TENM2: variants seen among roughly 807,000 people sequenced by gnomAD.
TENM2 encodes teneurin-2.
A neutral mutation model predicts 245.2 loss-of-function variants in TENM2; 52 were observed. That is an observed-to-expected ratio of 0.21 (90% CI 0.17 to 0.27). The LOEUF is 0.27. Among genes scored for constraint, TENM2 ranks in the 10% least tolerant of loss-of-function variants. TENM2 has a pLI of 1.00. For synonymous variants in TENM2, 1,363 were observed against 1,438.9 expected (o/e 0.95, Z 1.19); for missense variants, 3,046 against 3,666.8 (o/e 0.83, Z 4.37).
chr5:167,772,446 A>G (rs972921769), intron 2 of TENM2, among the ~76,000 whole-genome samples: 1 of 152,128 alleles, frequency 6.6e-6, no homozygotes, highest in African/African-American at 2.4e-5. Context: ...TTTTTTAGGC[A>G]GCATGGCTCT....
At chr5:167,074,748 G>T in the TENM2 span, among the ~76,000 whole-genome samples, 1 of 152,150 alleles carries the variant, frequency 6.6e-6, no homozygotes, top group South Asian at 2.1e-4. Context: ...GGCCTGAACA[G>T]GGAGAATCTT....
At chr5:167,371,334 GTT>G (rs768614312) in intron 1 of TENM2, among the ~76,000 whole-genome samples, 13 of 128,966 alleles carry the variant, frequency 1.0e-4, no homozygotes, top group Admixed American at 3.1e-4. Flanking sequence ...ATGGCTCCCT[GTT>G]TTTTTTTTTT....
chr5:168,109,947 G>A (rs1187600000), intron 9 of TENM2, among the ~76,000 whole-genome samples: 1 of 152,080 alleles, frequency 6.6e-6, no homozygotes, highest in Non-Finnish European at 1.5e-5. Context: ...TGTTTCTCAT[G>A]GCAGTTGCGT....
chr5:167,640,880 T>TATATATATCC (rs1779544669), intron 2 of TENM2, among the ~76,000 whole-genome samples: 1 of 62,968 alleles, frequency 1.6e-5, no homozygotes, highest in African/African-American at 1.2e-4. Flanking sequence ...TATATATATA[T>TATATATATCC]ATATATATAT....
At chr5:167,801,110 AT>A (rs1247680822) in intron 2 of TENM2, among the ~76,000 whole-genome samples, 17,479 of 60,664 alleles carry the variant, frequency 0.29, 2,171 homozygotes, top group Non-Finnish European at 0.33. Context: ...AAAAAAAAAA[AT>A]ATATATATAT....
chr5:167,624,990 C>T (rs764642408), intron 2 of TENM2, among the ~76,000 whole-genome samples: 3 of 152,096 alleles, frequency 2.0e-5, no homozygotes, highest in Non-Finnish European at 4.4e-5. Flanking sequence ...TCTTTAATCA[C>T]CTAGTTCTGA....
downstream of TENM2, chr5:168,263,127 A>G (rs1768358555): frequency 3.7e-6 from 1 of 266,906 alleles, no homozygotes; most frequent in Non-Finnish European, 7.1e-6. Context: ...AAAGAGACGC[A>G]AAGTGTCCAA....
chr5:167,931,004 G>C (rs1403582809), intron 3 of TENM2, among the ~76,000 whole-genome samples: 1 of 152,096 alleles, frequency 6.6e-6, no homozygotes, highest in Non-Finnish European at 1.5e-5. Flanking sequence ...TTACAAAAAA[G>C]CAGAAGATCG....
chr5:167,934,402 T>G (rs1488543210), intron 3 of TENM2, among the ~76,000 whole-genome samples: 1 of 152,192 alleles, frequency 6.6e-6, no homozygotes, highest in Non-Finnish European at 1.5e-5. Flanking sequence ...CCCAACATTT[T>G]CTTTAAAATT....
intron 13 of TENM2, among the ~76,000 whole-genome samples, chr5:168,183,246 G>T (rs1355081659): frequency 1.3e-5 from 2 of 152,150 alleles, no homozygotes; most frequent in African/African-American, 4.8e-5. Context: ...AGGCCTAACG[G>T]CCAGCCCCAG....
intron 2 of TENM2, among the ~76,000 whole-genome samples, chr5:167,846,105 C>T (rs1451620456): frequency 6.6e-6 from 1 of 152,204 alleles, no homozygotes; most frequent in Non-Finnish European, 1.5e-5. Flanking sequence ...TGCAATGTCC[C>T]TGAAAGCAGG....
At chr5:167,498,704 T>G (rs1026218453) in intron 2 of TENM2, among the ~76,000 whole-genome samples, 1 of 152,048 alleles carries the variant, frequency 6.6e-6, no homozygotes, top group Non-Finnish European at 1.5e-5. Context: ...TCCTTTTGGC[T>G]CTCTCAAGGA....
chr5:168,211,757 A>C lies in TENM2; in HGVS notation c.3845+3A>C, dbSNP rs1399913247. 7.4e-7 allele frequency: 1 copy of C among 1,351,386 alleles called. No individual in the cohort carries two copies. The highest frequency in any genetic ancestry group is 1.0e-6 in the Non-Finnish European group (1 of 983,510). 83.7% of individuals were successfully genotyped at this position (1,351,386 alleles called of 1,614,324 possible). On this transcript the variant is annotated splice_donor_region_variant and intron_variant, in intron 20 of 28. Coordinates refer to ENST00000518659, the Ensembl canonical transcript of TENM2. The stretch of plus-strand genomic sequence containing the variant: ...AGAAATAAAGAGTTTAAACATAGGT[A>C]AGATGAAGAACTCTTTCCCATATAA...
At chr5:167,864,856 G>C (rs914943510) in intron 2 of TENM2, among the ~76,000 whole-genome samples, 1 of 152,116 alleles carries the variant, frequency 6.6e-6, no homozygotes, top group Non-Finnish European at 1.5e-5. Context: ...TACCTCATAA[G>C]AGCTCAGTCA....
intron 2 of TENM2, among the ~76,000 whole-genome samples, chr5:167,734,349 T>C (rs1760649737): frequency 6.6e-6 from 1 of 151,800 alleles, no homozygotes; most frequent in African/African-American, 2.4e-5. Context: ...AAAAATAATA[T>C]GAGAAATATT....
rs544472394 is a variant in TENM2, at chr5:167,712,135, A to T, written c.503-163851A>T. On this transcript the variant is annotated intron_variant, in intron 2 of 28. Transcript: ENST00000518659. ...GTTAAGCTCCAATCAACTCGATCTTAATTAGCCCCCAAATGATGCTTTACT... is the reference window on the plus strand; with the variant it reads ...GTTAAGCTCCAATCAACTCGATCTTTATTAGCCCCCAAATGATGCTTTACT... Among the ~76,000 whole-genome samples, 12 of 152,278 alleles carry T rather than the reference A, an allele frequency of 7.9e-5. No individual in the cohort carries two copies. In the East Asian group the frequency reaches 1.9e-3, roughly 25 times the overall value.
chr5:167,761,511 A>G (rs1762666557), intron 2 of TENM2, among the ~76,000 whole-genome samples: 1 of 152,234 alleles, frequency 6.6e-6, no homozygotes, highest in Non-Finnish European at 1.5e-5. Flanking sequence ...TAGAAAAAAA[A>G]AATCATCCTA....
intron 3 of TENM2, among the ~76,000 whole-genome samples, chr5:167,883,407 C>T (rs750860659): frequency 7.9e-5 from 12 of 152,194 alleles, no homozygotes; most frequent in African/African-American, 2.7e-4. Context: ...CACACACACA[C>T]GTAAATGTGT....
intron 9 of TENM2, among the ~76,000 whole-genome samples, chr5:168,105,804 C>T (rs1458020565): frequency 3.3e-5 from 5 of 152,178 alleles, no homozygotes; most frequent in East Asian, 1.9e-4. Context: ...GTTTATTCTA[C>T]GGTTTTTTGT....
Sources: allele counts gnomAD v4.1 joint callset (sites outside exome capture counted in the v4.1 genomes callset), GRCh38; gene constraint gnomAD v4.1.1; transcripts MANE v1.5; gene names NCBI Gene and HGNC (gene_info 2026-07-23, HGNC 2026-07-21).